The following INPP5B variants were observed in gnomAD, a reference collection of about 807,000 sequenced individuals.
INPP5B encodes the protein type II inositol 1,4,5-trisphosphate 5-phosphatase.
A neutral mutation model predicts 118.5 loss-of-function variants in INPP5B; 90 were observed. The ratio of observed to expected loss-of-function variants is 0.76; its 90% CI spans 0.64 to 0.90. The LOEUF (loss-of-function observed/expected upper bound fraction) is 0.90, where lower values mean the gene tolerates loss of function less well. INPP5B is among the 40% of genes least tolerant of loss of function. INPP5B has a pLI of 0.00. For missense variants in INPP5B, 984 were observed against 1,125.6 expected (o/e 0.87, Z 1.80); for synonymous variants, 385 against 418.9 (o/e 0.92, Z 0.99).
At chr1:37,875,563 C>G in intron 17 of INPP5B, 43 bp downstream of exon 17, 1 of 1,504,478 alleles carries the variant, frequency 6.6e-7, no homozygotes, top group East Asian at 2.3e-5. Flanking sequence ...CCACTGCACC[C>G]GGCCTGAGCC....
chr1:37,925,895 A>C (rs1645209571), intron 7 of INPP5B, among the ~76,000 whole-genome samples: 1 of 152,242 alleles, frequency 6.6e-6, no homozygotes. Flanking sequence ...CTTTTGTTTA[A>C]GGAAACAAAG....
chr1:37,872,641 C>T (rs1311563881), intron 19 of INPP5B, among the ~76,000 whole-genome samples: 2 of 151,028 alleles, frequency 1.3e-5, no homozygotes, highest in East Asian at 1.9e-4. Flanking sequence ...TGGAGCCCTC[C>T]GGCCATCACA....
At chr1:37,938,295 A>AAATAAATCAATC (rs146988606) in intron 6 of INPP5B, among the ~76,000 whole-genome samples, 4 of 151,132 alleles carry the variant, frequency 2.6e-5, no homozygotes, top group South Asian at 2.1e-4. Flanking sequence ...ATAAATAAAT[A>AAATAAATCAATC]AATAAATAAA....
At chr1:37,924,459 G>A (rs1327202886) in intron 7 of INPP5B, among the ~76,000 whole-genome samples, 1 of 151,658 alleles carries the variant, frequency 6.6e-6, no homozygotes, top group Admixed American at 6.6e-5. Flanking sequence ...ATGAGCCACC[G>A]CTGCTGGCCA....
At chr1:37,881,496 C>T (rs1271652744) in intron 14 of INPP5B, among the ~76,000 whole-genome samples, 1 of 152,168 alleles carries the variant, frequency 6.6e-6, no homozygotes, top group African/African-American at 2.4e-5. Context: ...TGCACATGGT[C>T]AGCTATTTAG....
intron 9 of INPP5B, among the ~76,000 whole-genome samples, chr1:37,888,819 C>T (rs1157948482): frequency 6.6e-6 from 1 of 152,182 alleles, no homozygotes; most frequent in African/African-American, 2.4e-5. Context: ...AATCCCACAA[C>T]CTTTATTAAT....
chr1:37,866,860 GA>G (rs1182820749), intron 20 of INPP5B, among the ~76,000 whole-genome samples: 3 of 151,930 alleles, frequency 2.0e-5, no homozygotes, highest in Non-Finnish European at 4.4e-5. Flanking sequence ...TTACCCAGGG[GA>G]AAAAAAATGA....
chr1:37,922,650 C>A (rs1360617330), intron 7 of INPP5B, among the ~76,000 whole-genome samples: 1 of 152,094 alleles, frequency 6.6e-6, no homozygotes, highest in Non-Finnish European at 1.5e-5. Context: ...GAGCCAAGAT[C>A]GCACCACTGC....
At chr1:37,942,892 G>C (rs965494157) in intron 5 of INPP5B, among the ~76,000 whole-genome samples, 1 of 142,896 alleles carries the variant, frequency 7.0e-6, no homozygotes, top group Non-Finnish European at 1.5e-5. Context: ...CTGGGTGACA[G>C]AGTGAGATTC....
chr1:37,902,150 C>T (rs920953909), intron 7 of INPP5B, among the ~76,000 whole-genome samples: 5 of 151,908 alleles, frequency 3.3e-5, no homozygotes, highest in Non-Finnish European at 7.4e-5. Flanking sequence ...CCACGCCCAG[C>T]TAATTTTTGT....
chr1:37,866,321 G>A (rs1357639091), intron 21 of INPP5B, 138 bp downstream of exon 21: 4 of 595,046 alleles, frequency 6.7e-6, no homozygotes, highest in South Asian at 4.3e-5. Context: ...CATGGTAGCT[G>A]AGGATACAAT....
At chr1:37,933,112 C>T (rs938355077) in intron 6 of INPP5B, among the ~76,000 whole-genome samples, 1 of 152,232 alleles carries the variant, frequency 6.6e-6, no homozygotes, top group African/African-American at 2.4e-5. Context: ...GACTATGGCA[C>T]TGCCAGACAC....
chr1:37,924,076 C>T (rs937627590), intron 7 of INPP5B, among the ~76,000 whole-genome samples: 7 of 151,940 alleles, frequency 4.6e-5, no homozygotes, highest in African/African-American at 1.7e-4. Context: ...CTGTGCCCAG[C>T]CAATGCAGTT....
intron 7 of INPP5B, among the ~76,000 whole-genome samples, chr1:37,910,117 G>A (rs925242691): frequency 3.9e-5 from 6 of 152,172 alleles, no homozygotes; most frequent in Admixed American, 6.5e-5. Context: ...TCAGCTTAGC[G>A]GCTGAAGACT....
intron 7 of INPP5B, among the ~76,000 whole-genome samples, chr1:37,893,789 C>T (rs551567687): frequency 6.6e-6 from 1 of 152,338 alleles, no homozygotes; most frequent in East Asian, 1.9e-4. Context: ...ATACTCACCA[C>T]AGTCCTTCAG....
intron 7 of INPP5B, among the ~76,000 whole-genome samples, chr1:37,920,864 T>G (rs1645029399): frequency 6.6e-6 from 1 of 151,892 alleles, no homozygotes; most frequent in South Asian, 2.1e-4. Context: ...CCCAGAGCCT[T>G]GGGAGGCCGA....
intron 7 of INPP5B, among the ~76,000 whole-genome samples, chr1:37,922,094 T>C (rs1557700786): frequency 2.6e-5 from 4 of 151,286 alleles, no homozygotes; most frequent in South Asian, 2.1e-4. Context: ...CCTGGCTACG[T>C]AGGAGGCTGA....
chr1:37,919,843 T>C (rs1052575942), intron 7 of INPP5B, among the ~76,000 whole-genome samples: 1 of 152,072 alleles, frequency 6.6e-6, no homozygotes, highest in Non-Finnish European at 1.5e-5. Context: ...CTCGGGAGGC[T>C]GAGGCACAAG....
At chr1:37,930,720 C>T (rs758461377) in intron 7 of INPP5B, 9 of 152,216 alleles carry the variant, frequency 5.9e-5, no homozygotes, top group African/African-American at 7.2e-5. Context: ...CCTCTGCTCA[C>T]CTCGTTTCCT....
Sources: allele counts gnomAD v4.1 joint callset (sites outside exome capture counted in the v4.1 genomes callset), GRCh38; gene constraint gnomAD v4.1.1; transcripts MANE v1.5; gene names NCBI Gene and HGNC (gene_info 2026-07-23, HGNC 2026-07-21).